Variants in GPN2 observed in about 807,000 individuals in gnomAD.
The protein encoded by GPN2 is GPN-loop GTPase 2.
In GPN2, 27 loss-of-function variants were observed where a neutral mutation model predicts 30.1. That is an observed-to-expected ratio of 0.90 (90% CI 0.66 to 1.24). The LOEUF is 1.24. Among genes scored for constraint, GPN2 ranks in the 50% most tolerant of loss-of-function variants. The probability of loss-of-function intolerance (pLI) is 0.00; values close to 1 mark genes in which losing one functional copy is unlikely to be tolerated. For synonymous variants in GPN2, 212 were observed against 174.4 expected, an observed-to-expected ratio of 1.22 and a Z score of -1.70; for missense variants, 406 against 405.4, an observed-to-expected ratio of 1.00 and a Z score of -0.01.
chr1:26,880,732 T>C (rs939966197), intron 4 of GPN2, among the ~76,000 whole-genome samples: 1 of 152,242 alleles, frequency 6.6e-6, no homozygotes, highest in Admixed American at 6.5e-5. Context: ...TCCCAAAGTG[T>C]TGGAATTACA....
intron 4 of GPN2, among the ~76,000 whole-genome samples, chr1:26,880,017 G>C (rs2081856644): frequency 6.6e-6 from 1 of 152,210 alleles, no homozygotes; most frequent in Non-Finnish European, 1.5e-5. Context: ...TCTGGAGCCA[G>C]ACTAAGGGAG....
At chr1:26,880,554 G>A (rs555803405) in intron 4 of GPN2, among the ~76,000 whole-genome samples, 32 of 152,022 alleles carry the variant, frequency 2.1e-4, no homozygotes, top group African/African-American at 6.8e-4. Flanking sequence ...CTCGTGATCC[G>A]CCCGCCTTGG....
chr1:26,889,607 T>C, intron 1 of GPN2, 79 bp downstream of exon 1: 1 of 1,363,202 alleles, frequency 7.3e-7, no homozygotes, highest in Non-Finnish European at 1.0e-6. Flanking sequence ...CCTCCCTGTG[T>C]GACATGGGGG....
chr1:26,888,864 C>T, intron 2 of GPN2, 105 bp downstream of exon 2: 1 of 1,115,774 alleles, frequency 9.0e-7, no homozygotes. Context: ...TGGCTACTAT[C>T]ACCAGACCAC....
chr1:26,887,304 CCCTAGTGG>C (rs1244126424), intron 2 of GPN2, among the ~76,000 whole-genome samples: 1 of 152,044 alleles, frequency 6.6e-6, no homozygotes, highest in African/African-American at 2.4e-5. Context: ...TTGGACTTCC[CCCTAGTGG>C]CCTGTTTCTG....
chr1:26,887,271 C>T (rs2081895742), intron 2 of GPN2, among the ~76,000 whole-genome samples: 1 of 152,118 alleles, frequency 6.6e-6, no homozygotes, highest in South Asian at 2.1e-4. Context: ...TTTTATAAAT[C>T]ATTTCTCACT....
intron 4 of GPN2, among the ~76,000 whole-genome samples, chr1:26,881,893 G>A (rs571875206): frequency 1.1e-3 from 162 of 151,832 alleles, no homozygotes; most frequent in African/African-American, 3.6e-3. Context: ...CTGGGCAAAG[G>A]AGCAAGACCC....
At chr1:26,886,198 CTTTTTCCT>C (rs954219455) in intron 2 of GPN2, 65 bp from the exon 3 acceptor site, 30 of 1,163,654 alleles carry the variant, frequency 2.6e-5, no homozygotes, top group Non-Finnish European at 3.7e-5. Context: ...GACGAGGTTC[CTTTTTCCT>C]TTTTTCCTTT....
chr1:26,886,974 CAA>C (rs1355413089), intron 2 of GPN2, among the ~76,000 whole-genome samples: 1 of 110,512 alleles, frequency 9.0e-6, no homozygotes, highest in Non-Finnish European at 1.8e-5. Flanking sequence ...GCTTGGGCAA[CAA>C]GAGCGAAACT....
Position 26,876,390 on chromosome 1 carries a change from G to T in GPN2, c.*3287C>A, listed in dbSNP as rs2124288676. ...GCCACCATGCCCTGCTCATTTTTTT[G>T]TATTTTTAGCAGAGACAGGTTTTCA... On this transcript the variant is annotated 3_prime_UTR_variant, in exon 5 of 5. Transcript: ENST00000374135. 1 of 152,110 alleles carries T rather than the reference G, an allele frequency of 6.6e-6. No individual in the cohort carries two copies. The highest frequency in any genetic ancestry group is 2.1e-4 in the South Asian group (1 of 4,828). 9.4% of individuals were successfully genotyped at this position (152,110 alleles called of 1,614,324 possible). A position where few individuals can be genotyped will look rare whatever the true frequency, so the allele number is the denominator to read the frequency against.
rs928124000 is a variant in GPN2, at chr1:26,889,129, G to C, written c.412-4C>G. ...CCACGAGGTGGACGGCAGTCAGCTG[G>C]GAGGGAATAGACAGGGTGAGAGTGG... is the stretch of plus-strand genomic sequence containing the variant. On this transcript the variant is annotated splice_polypyrimidine_tract_variant and splice_region_variant and intron_variant, in intron 1 of 4. Coordinates refer to ENST00000374135, the MANE Select transcript of GPN2 (RefSeq NM_018066.4). The C allele has an allele frequency of 8.7e-6, 14 of 1,612,686 alleles. No individual in the cohort carries two copies. The highest frequency in any genetic ancestry group is 7.6e-6 in the Non-Finnish European group (9 of 1,178,978).
Position 26,879,457 on chromosome 1 carries a change from G to A in GPN2, c.*220C>T. ...CCAGTGCTCGACTTTCTGGTGGCAG[G>A]GCCCAGAGCTCACGGACACCACTGA... is the stretch of plus-strand genomic sequence containing the variant. On this transcript the variant is annotated 3_prime_UTR_variant, in exon 5 of 5. Transcript: ENST00000374135. 1 of 545,842 alleles carries A rather than the reference G, an allele frequency of 1.8e-6. No individual in the cohort carries two copies. Among genetic ancestry groups the A allele is most frequent in the Non-Finnish European group, 3.3e-6 (1 of 300,584 alleles). 33.8% of individuals were successfully genotyped at this position (545,842 alleles called of 1,614,324 possible).
In GPN2 at chr1:26,878,292, ATTTT is replaced by A. The variant is rs899961406; in HGVS notation, c.*1381_*1384del. ...AATATTTTTCTTTACACAACTTACT[ATTTT>A]TTTTTGAGACAGAGTCTTGCTCTGT... is the stretch of plus-strand genomic sequence containing the variant. On this transcript the variant is annotated 3_prime_UTR_variant, in exon 5 of 5. Transcript: ENST00000374135. The A allele has an allele frequency of 6.6e-6, 1 of 150,752 alleles. No homozygotes were observed. Among genetic ancestry groups the A allele is most frequent in the Non-Finnish European group, 1.5e-5 (1 of 67,600 alleles). 9.3% of individuals were successfully genotyped at this position (150,752 alleles called of 1,614,324 possible).
At chr1:26,887,119 T>C (rs1371300256) in intron 2 of GPN2, among the ~76,000 whole-genome samples, 1 of 151,986 alleles carries the variant, frequency 6.6e-6, no homozygotes, top group Non-Finnish European at 1.5e-5. Context: ...GCACATACAC[T>C]GCAAAGACTC....
intron 2 of GPN2, among the ~76,000 whole-genome samples, chr1:26,888,300 G>A (rs905505871): frequency 1.3e-5 from 2 of 152,192 alleles, no homozygotes; most frequent in Non-Finnish European, 2.9e-5. Flanking sequence ...TGTGCCAGGT[G>A]AGAATATAGC....
At chr1:26,880,460 A>G (rs1016072638) in intron 4 of GPN2, among the ~76,000 whole-genome samples, 1 of 152,102 alleles carries the variant, frequency 6.6e-6, no homozygotes. Flanking sequence ...CTACAGGTAC[A>G]TGCCAGCACA....
intron 3 of GPN2, among the ~76,000 whole-genome samples, chr1:26,885,153 A>G (rs1261774608): frequency 4.6e-5 from 7 of 152,192 alleles, no homozygotes; most frequent in Admixed American, 4.6e-4. Flanking sequence ...GTTGTGATTG[A>G]TATTATAGAG....
Position 26,890,140 on chromosome 1 carries a change from G to C in GPN2, c.-44C>G, listed in dbSNP as rs2081914189. The C allele has an allele frequency of 6.9e-7, 1 of 1,453,350 alleles. No individual in the cohort carries two copies. The highest frequency in any genetic ancestry group is 9.0e-7 in the Non-Finnish European group (1 of 1,105,706). 90.0% of individuals were successfully genotyped at this position (1,453,350 alleles called of 1,614,324 possible). ...AGCAGGTCAACTCACAGGGAAAACGGGGCAGGTAGCCGCGCCGGAGACGAG... is the reference window on the plus strand; with the variant it reads ...AGCAGGTCAACTCACAGGGAAAACGCGGCAGGTAGCCGCGCCGGAGACGAG... On this transcript the variant is annotated 5_prime_UTR_variant, in exon 1 of 5. Transcript: ENST00000374135.
rs1298269378 is a variant in GPN2, at chr1:26,882,904, C to G, written c.860+1256G>C. 3.3e-5 allele frequency among the ~76,000 whole-genome samples: 5 copies of G among 152,332 alleles called. No homozygotes were observed. In the East Asian group the frequency reaches 5.8e-4, roughly 18 times the overall value. On this transcript the variant is annotated intron_variant, in intron 4 of 4. Coordinates refer to ENST00000374135, the MANE Select transcript of GPN2 (RefSeq NM_018066.4). ...CCTTTTCCTGCCTCAGTGATTAGTA[C>G]AACCACCCACCGTCTAAGCCAGAGA...
Sources: gnomAD v4.1 joint callset for allele counts (sites outside exome capture counted in the v4.1 genomes callset) on GRCh38, gnomAD v4.1.1 for gene constraint, MANE v1.5 for transcripts, NCBI Gene and HGNC (gene_info 2026-07-23, HGNC 2026-07-21) for gene names.